Variants in NCKAP5 observed in about 807,000 individuals in gnomAD.
The protein encoded by NCKAP5 is nck-associated protein 5.
Under a neutral mutation model 167.0 loss-of-function variants are expected in NCKAP5, and 92 were observed. The observed-to-expected ratio is 0.55, with a 90% CI of 0.47 to 0.66. The LOEUF is 0.66. NCKAP5 is among the 30% of genes least tolerant of loss of function. The pLI is 0.00. For missense variants in NCKAP5, 2,378 were observed against 2,315.0 expected (o/e 1.03, Z -0.56); for synonymous variants, 891 against 877.4 (o/e 1.02, Z -0.27).
chr2:133,458,782 C>A (rs1016501342), intron 3 of NCKAP5, among the ~76,000 whole-genome samples: 1 of 152,060 alleles, frequency 6.6e-6, no homozygotes, highest in East Asian at 1.9e-4. Flanking sequence ...TAAGGACTCT[C>A]GGGGTTTAGG....
At chr2:132,806,241 G>A (rs1049144729) in intron 11 of NCKAP5, among the ~76,000 whole-genome samples, 6 of 152,188 alleles carry the variant, frequency 3.9e-5, no homozygotes, top group East Asian at 1.9e-4. Context: ...AAATGTGTGT[G>A]CAAGTATCTT....
intron 11 of NCKAP5, among the ~76,000 whole-genome samples, chr2:132,855,329 A>G (rs2105507630): frequency 6.6e-6 from 1 of 152,334 alleles, no homozygotes; most frequent in Admixed American, 6.5e-5. Flanking sequence ...ACCATGCAGG[A>G]TGACAGGCTC....
intron 8 of NCKAP5, among the ~76,000 whole-genome samples, chr2:132,949,003 T>TGAAAAGAAAA (rs11275092): frequency 0.016 from 2,059 of 130,180 alleles, 27 homozygotes; most frequent in African/African-American, 0.027. Flanking sequence ...TCCAGAGAAA[T>TGAAAAGAAAA]GAAAAGAAAA....
chr2:132,796,481 A>T (rs4953993), intron 12 of NCKAP5, 147 bp downstream of exon 12: 21,915 of 526,932 alleles, frequency 0.042, 1,365 homozygotes, highest in East Asian at 0.17. Context: ...CATGATATTG[A>T]ATTTCAGAGA....
intron 6 of NCKAP5, among the ~76,000 whole-genome samples, chr2:133,053,070 C>T (rs2079662503): frequency 6.6e-6 from 1 of 152,096 alleles, no homozygotes; most frequent in Admixed American, 6.5e-5. Context: ...TATTTTAGTT[C>T]CCAATTGCCT....
At chr2:133,164,095 C>T (rs1216940555) in intron 5 of NCKAP5, among the ~76,000 whole-genome samples, 1 of 152,192 alleles carries the variant, frequency 6.6e-6, no homozygotes, top group Non-Finnish European at 1.5e-5. Flanking sequence ...TCCAAGCCCA[C>T]AGGCGAGAAG....
the NCKAP5 span, among the ~76,000 whole-genome samples, chr2:133,667,069 T>G: frequency 4.6e-5 from 7 of 152,048 alleles, no homozygotes; most frequent in South Asian, 4.1e-4. Flanking sequence ...AATATGTGAT[T>G]GCTGCTAATT....
intron 6 of NCKAP5, chr2:133,123,388 A>G (rs113940965): frequency 6.1e-6 from 1 of 162,752 alleles, no homozygotes; most frequent in African/African-American, 2.4e-5. Context: ...TCTGACACCA[A>G]AATATGATCC....
chr2:133,316,646 A>T (rs1681629130), intron 3 of NCKAP5, among the ~76,000 whole-genome samples: 1 of 152,186 alleles, frequency 6.6e-6, no homozygotes, highest in Non-Finnish European at 1.5e-5. Flanking sequence ...ACTTATGGGC[A>T]CTGAACATAA....
In NCKAP5 at chr2:132,871,447, A is replaced by T. The variant is rs561607851; in HGVS notation, c.649-2473T>A. On this transcript the variant is annotated intron_variant, in intron 9 of 19. Transcript: ENST00000409261. ...ATCTCAAACTTTGGATTTGATTTAC[A>T]TTCTCATAAAACTGCCCAATATCAA... 8.3e-4 allele frequency among the ~76,000 whole-genome samples: 126 copies of T among 152,346 alleles called. 1 individual carries two copies. Among genetic ancestry groups the T allele is most frequent in the Middle Eastern group, 3.4e-3 (1 of 294 alleles).
intron 3 of NCKAP5, among the ~76,000 whole-genome samples, chr2:133,463,915 C>A (rs929302111): frequency 5.9e-5 from 9 of 152,192 alleles, no homozygotes; most frequent in Admixed American, 3.3e-4. Context: ...GATATTATCT[C>A]AGAAGGCCTA....
chr2:133,144,691 C>G (rs1326285396), intron 5 of NCKAP5, among the ~76,000 whole-genome samples: 1 of 152,060 alleles, frequency 6.6e-6, no homozygotes, highest in Non-Finnish European at 1.5e-5. Context: ...TTTTATCTAT[C>G]CCTGTGTGAT....
chr2:132,934,888 A>G (rs1324848773), intron 8 of NCKAP5, among the ~76,000 whole-genome samples: 1 of 152,178 alleles, frequency 6.6e-6, no homozygotes, highest in Admixed American at 6.5e-5. Context: ...TGAATATATA[A>G]AAGTCATAGG....
At chr2:133,655,352 C>G in the NCKAP5 span, among the ~76,000 whole-genome samples, 1 of 152,276 alleles carries the variant, frequency 6.6e-6, no homozygotes, top group East Asian at 1.9e-4. Flanking sequence ...TTTAGTTTCT[C>G]TTTTTTGATG....
At chr2:133,449,239 T>C (rs2151192416) in intron 3 of NCKAP5, among the ~76,000 whole-genome samples, 1 of 152,340 alleles carries the variant, frequency 6.6e-6, no homozygotes, top group South Asian at 2.1e-4. Flanking sequence ...AATGAAAGAA[T>C]GTTTCCCTAA....
At chr2:132,894,136 G>A (rs145641949) in intron 8 of NCKAP5, among the ~76,000 whole-genome samples, 3 of 152,314 alleles carry the variant, frequency 2.0e-5, no homozygotes, top group African/African-American at 4.8e-5. Context: ...AACAAAGAGC[G>A]ATGGAAGGGG....
intron 7 of NCKAP5, among the ~76,000 whole-genome samples, chr2:132,977,788 ACT>A (rs1468577082): frequency 6.6e-6 from 1 of 152,088 alleles, no homozygotes; most frequent in Non-Finnish European, 1.5e-5. Context: ...GTCAGGCAAA[ACT>A]CAGTGCATAG....
chr2:133,229,499 G>A (rs1331233081), intron 4 of NCKAP5, among the ~76,000 whole-genome samples: 7 of 152,236 alleles, frequency 4.6e-5, no homozygotes, highest in Non-Finnish European at 1.0e-4. Context: ...TAAGATAAAA[G>A]AGGATAATGA....
chr2:133,248,037 G>C (rs1015969494), intron 4 of NCKAP5, among the ~76,000 whole-genome samples: 2 of 152,204 alleles, frequency 1.3e-5, no homozygotes. Context: ...CCAAAAAGCT[G>C]CATTGATATT....
Sources: gnomAD v4.1 joint callset for allele counts (sites outside exome capture counted in the v4.1 genomes callset) on GRCh38, gnomAD v4.1.1 for gene constraint, MANE v1.5 for transcripts, NCBI Gene and HGNC (gene_info 2026-07-23, HGNC 2026-07-21) for gene names.